The following BBS1 variants were observed in gnomAD, a reference collection of about 807,000 sequenced individuals.
BBS1 encodes BBSome complex member BBS1.
In BBS1, 60 loss-of-function variants were observed where a neutral mutation model predicts 73.9. The observed-to-expected ratio is 0.81, with a 90% confidence interval of 0.66 to 1.01. The LOEUF (loss-of-function observed/expected upper bound fraction) is 1.01. BBS1 is among the 50% of genes least tolerant of loss of function. BBS1 has a pLI of 0.00. For synonymous variants in BBS1, 283 were observed against 317.4 expected (o/e 0.89, Z 1.15); for missense variants, 718 against 770.3 (o/e 0.93, Z 0.80).
rs1284906055 is a variant in BBS1, at chr11:66,521,252, T to C, written c.724-18T>C. Reference sequence around the variant, plus strand: ...GGGGCTCCAGAGAAATTGGAGTGTTTGCGCTTCTTGTTTGCAGATGAGCCT... The same window carrying C: ...GGGGCTCCAGAGAAATTGGAGTGTTCGCGCTTCTTGTTTGCAGATGAGCCT... On this transcript the variant is annotated intron_variant, in intron 8 of 16. Coordinates refer to ENST00000318312, the MANE Select transcript of BBS1 (RefSeq NM_024649.5). 8.1e-6 allele frequency: 13 copies of C among 1,602,286 alleles called. No homozygotes were observed. The highest frequency in any genetic ancestry group is 1.3e-5 in the African/African-American group (1 of 74,682).
Position 66,529,859 on chromosome 11 carries a change from C to T in BBS1, c.1380C>T (p.Arg460=). Reference sequence around the variant, plus strand: ...TCCAGACAGACCTATACCTGCTGCGCCTACGTGCTGCCCGCGCCTACCTGC... The same window carrying T: ...TCCAGACAGACCTATACCTGCTGCGTCTACGTGCTGCCCGCGCCTACCTGC... ...RAFQTDLYLL[R]LRAARAYLQA... The change falls in exon 14 of 17, where the codon CGC becomes CGT. Residue 460 remains arginine (R), a synonymous_variant. Transcript: ENST00000318312. 6.2e-7 allele frequency: 1 copy of T among 1,610,876 alleles called. No individual in the cohort carries two copies. Among genetic ancestry groups the T allele is most frequent in the Non-Finnish European group, 8.5e-7 (1 of 1,179,998 alleles).
chr11:66,523,060 A>G (rs1856311027), intron 9 of BBS1: 1 of 433,754 alleles, frequency 2.3e-6, no homozygotes, highest in South Asian at 1.7e-5. Flanking sequence ...TAAAAACTGC[A>G]TTGACACAGG....
At chr11:66,530,079 C>A in intron 14 of BBS1, 127 bp downstream of exon 14, 1 of 1,355,244 alleles carries the variant, frequency 7.4e-7, no homozygotes, top group Non-Finnish European at 1.0e-6. Flanking sequence ...CTCCCCATCA[C>A]CTTCCCGCAG....
Position 66,526,787 on chromosome 11 carries a change from GAGAGCGGGAGGC to G in BBS1, c.1320_1331del (p.Glu441_Ala444del). ...CGGCTTTACGTGGATCAGACACTGC[GAGAGCGGGAGGC>G]TGGCACCGGTGAGCCTCAGACTGGG... On this transcript the variant is annotated inframe_deletion, in exon 13 of 17. Coordinates refer to ENST00000318312, the MANE Select transcript of BBS1 (RefSeq NM_024649.5). 6.2e-7 allele frequency: 1 copy of G among 1,614,224 alleles called. No individual in the cohort carries two copies.
intron 4 of BBS1, 114 bp downstream of exon 4, chr11:66,514,792 C>A: frequency 8.1e-7 from 1 of 1,235,158 alleles, no homozygotes; most frequent in Non-Finnish European, 1.2e-6. Flanking sequence ...CAGCTATAGT[C>A]CATCTCTGAC....
chr11:66,524,150 C>A, intron 11 of BBS1: 1 of 456,476 alleles, frequency 2.2e-6, no homozygotes. Flanking sequence ...CATGGTGGTG[C>A]GTACCTGTAA....
chr11:66,515,178 G>C (rs1856023412), intron 4 of BBS1, among the ~76,000 whole-genome samples: 1 of 152,112 alleles, frequency 6.6e-6, no homozygotes, highest in African/African-American at 2.4e-5. Flanking sequence ...TCCCAGAGAG[G>C]CACTGAGCCA....
chr11:66,513,835 T>C lies in BBS1; in HGVS notation c.160-571T>C, dbSNP rs139319348. Among the ~76,000 whole-genome samples the C allele has an allele frequency of 8.9e-3, 1,350 of 152,266 alleles. 10 individuals carry two copies. The highest frequency in any genetic ancestry group is 0.012 in the Non-Finnish European group (827 of 68,010). ...ATGGGAAGGGTGATAGGAAACAAGT[T>C]GGGAACTAGATCAGAGAGGCCTTCC... On this transcript the variant is annotated intron_variant, in intron 3 of 16. Coordinates refer to ENST00000318312, the MANE Select transcript of BBS1 (RefSeq NM_024649.5).
At chr11:66,530,819 G>A in intron 14 of BBS1, 75 bp from the exon 15 acceptor site, 1 of 1,596,838 alleles carries the variant, frequency 6.3e-7, no homozygotes, top group Admixed American at 1.7e-5. Flanking sequence ...TTGGTGGAAG[G>A]CAGGCAGAGC....
At chr11:66,512,031 T>A (rs1235481120) in intron 3 of BBS1, among the ~76,000 whole-genome samples, 2 of 145,624 alleles carry the variant, frequency 1.4e-5, no homozygotes, top group African/African-American at 2.5e-5. Flanking sequence ...TGTATATATA[T>A]GTATATATAT....
intron 1 of BBS1, 44 bp downstream of exon 1, chr11:66,510,750 A>G (rs777827928): frequency 6.2e-7 from 1 of 1,612,580 alleles, no homozygotes; most frequent in Non-Finnish European, 8.5e-7. Context: ...ACCCGTGTAA[A>G]GAGGGTCCCT....
At chr11:66,528,936 C>A (rs1406321157) in intron 13 of BBS1, 2 of 442,962 alleles carry the variant, frequency 4.5e-6, no homozygotes, top group Admixed American at 1.4e-4. Flanking sequence ...CCATTGCACT[C>A]CAGCCTGGGT....
Position 66,523,751 on chromosome 11 carries a change from C to T in BBS1, c.979C>T (p.Pro327Ser), listed in dbSNP as rs1489674587. ...KGKKLWTVQMPAAILTMNLLE... is the reference protein window; with the variant it reads ...KGKKLWTVQMSAAILTMNLLE... Reference sequence around the variant, plus strand: ...GAAGAAGCTGTGGACAGTGCAGATGCCCGCAGCCATCCTGACCATGAACCT... The same window carrying T: ...GAAGAAGCTGTGGACAGTGCAGATGTCCGCAGCCATCCTGACCATGAACCT... Residue 327 changes from proline (P) to serine (S), a missense_variant, in exon 11 of 17, where the codon CCC becomes TCC. Transcript: ENST00000318312. 1.2e-5 allele frequency: 19 copies of T among 1,612,346 alleles called. No homozygotes were observed. The highest frequency in any genetic ancestry group is 1.6e-5 in the Non-Finnish European group (19 of 1,180,018).
chr11:66,530,062 G>C (rs1856704369), intron 14 of BBS1, 110 bp downstream of exon 14: 1 of 1,471,564 alleles, frequency 6.8e-7, no homozygotes, highest in Non-Finnish European at 9.2e-7. Flanking sequence ...AGCCAACTCA[G>C]CCCGTGCTCC....
At chr11:66,527,206 T>TAA in intron 13 of BBS1, 3 of 518,306 alleles carry the variant, frequency 5.8e-6, no homozygotes, top group Non-Finnish European at 1.0e-5. Flanking sequence ...TACTTCTTTC[T>TAA]CAAAAAAAAA....
intron 3 of BBS1, among the ~76,000 whole-genome samples, chr11:66,512,003 A>ATAT (rs1265164734): frequency 3.4e-4 from 47 of 140,296 alleles, no homozygotes; most frequent in Non-Finnish European, 4.1e-4. Context: ...TTCAAAAAAA[A>ATAT]ATATATATAT....
Position 66,531,209 on chromosome 11 carries a change from C to T in BBS1, c.1608+181C>T, listed in dbSNP as rs370523010. 1.3e-4 allele frequency among the ~76,000 whole-genome samples: 20 copies of T among 152,268 alleles called. No homozygotes were observed. In the East Asian group the frequency reaches 3.9e-3, roughly 29 times the overall value. On this transcript the variant is annotated intron_variant, in intron 15 of 16. Coordinates refer to ENST00000318312, the MANE Select transcript of BBS1 (RefSeq NM_024649.5). The stretch of plus-strand genomic sequence containing the variant: ...CCCAGTAGGGGCCTCTGGAGGGAGC[C>T]CCAAGCCCTGCCTCTGCTGCTTTTC...
In BBS1 at chr11:66,514,428, C is replaced by T. The variant is rs1856007267; in HGVS notation, c.182C>T (p.Pro61Leu). ...EYKLVVGDLG[P>L]GGQQPRLKVL... Reference sequence around the variant, plus strand: ...CAGCTGGTGGTAGGGGACCTTGGCCCTGGTGGGCAGCAGCCCCGCCTGAAG... The same window carrying T: ...CAGCTGGTGGTAGGGGACCTTGGCCTTGGTGGGCAGCAGCCCCGCCTGAAG... The change falls in exon 4 of 17, where the codon CCT becomes CTT. Residue 61 changes from proline (P) to leucine (L), a missense_variant. Physicochemically the swap from Pro to Leu is moderately conservative, Grantham distance 98. Coordinates refer to ENST00000318312, the MANE Select transcript of BBS1 (RefSeq NM_024649.5). The T allele has an allele frequency of 6.2e-7, 1 of 1,614,126 alleles. No homozygotes were observed.
Position 66,524,195 on chromosome 11 carries a change from G to A in BBS1, c.1110+313G>A, listed in dbSNP as rs538105062. 267 of 388,018 alleles carry A rather than the reference G, an allele frequency of 6.9e-4. 4 individuals are homozygous for A. The highest frequency in any genetic ancestry group is 1.2e-4 in the Non-Finnish European group (24 of 201,354). The allele number at this position is 388,018 out of a possible 1,614,324, so 24.0% of individuals were successfully genotyped here. A position where few individuals can be genotyped will look rare whatever the true frequency, so the allele number is the denominator to read the frequency against. On this transcript the variant is annotated intron_variant, in intron 11 of 16. Coordinates refer to ENST00000318312, the MANE Select transcript of BBS1 (RefSeq NM_024649.5). ...CTCAGGAGGTTGAGGTAGGAGAATC[G>A]CTTGAGCCTGGGAGGCGGAGGTTGC... is the stretch of plus-strand genomic sequence containing the variant.
Sources: gnomAD v4.1 joint callset for allele counts (sites outside exome capture counted in the v4.1 genomes callset) on GRCh38, gnomAD v4.1.1 for gene constraint, MANE v1.5 for transcripts, NCBI Gene and HGNC (gene_info 2026-07-23, HGNC 2026-07-21) for gene names.